Variants in CAMSAP1 observed in about 807,000 individuals in gnomAD.
CAMSAP1 encodes the protein calmodulin regulated spectrin associated protein 1, also known as calmodulin-regulated spectrin-associated protein 1.
Under a neutral mutation model 143.5 loss-of-function variants are expected in CAMSAP1, and 58 were observed. That is an observed-to-expected ratio of 0.40 (90% CI 0.33 to 0.50). CAMSAP1 has a LOEUF of 0.50. CAMSAP1 is among the 20% of genes least tolerant of loss of function. The probability of loss-of-function intolerance (pLI) is 0.45; values close to 1 mark genes in which losing one functional copy is unlikely to be tolerated. For missense variants in CAMSAP1, 1,969 were observed against 2,115.7 expected, an observed-to-expected ratio of 0.93 and a Z score of 1.36; for synonymous variants, 945 against 859.3, an observed-to-expected ratio of 1.10 and a Z score of -1.74.
At chr9:135,839,647 G>A (rs902821700) in intron 7 of CAMSAP1, among the ~76,000 whole-genome samples, 2 of 152,148 alleles carry the variant, frequency 1.3e-5, no homozygotes, top group Non-Finnish European at 1.5e-5. Context: ...CCCATCACAA[G>A]CTGGGTTCTG....
intron 4 of CAMSAP1, chr9:135,865,230 C>T: frequency 8.5e-7 from 1 of 1,175,084 alleles, no homozygotes; most frequent in South Asian, 1.3e-5. Context: ...TAAACAACAA[C>T]AACAAAAAAA....
chr9:135,886,412 C>A (rs1388913962), intron 1 of CAMSAP1, among the ~76,000 whole-genome samples: 1 of 152,056 alleles, frequency 6.6e-6, no homozygotes, highest in Non-Finnish European at 1.5e-5. Context: ...GGAGAAGTTT[C>A]TTAGGGAAGG....
intron 7 of CAMSAP1, among the ~76,000 whole-genome samples, chr9:135,843,734 C>T (rs955222068): frequency 1.8e-4 from 27 of 151,436 alleles, no homozygotes; most frequent in African/African-American, 5.1e-4. Flanking sequence ...ATTGGCTGGG[C>T]GTGGTGGCGG....
intron 3 of CAMSAP1, among the ~76,000 whole-genome samples, chr9:135,872,240 G>A (rs553842114): frequency 5.3e-5 from 8 of 152,296 alleles, no homozygotes; most frequent in African/African-American, 1.9e-4. Flanking sequence ...TACTTTAAAA[G>A]ATAAAAGAAA....
intron 14 of CAMSAP1, 132 bp from the exon 15 acceptor site, chr9:135,816,137 G>A (rs1192616193): frequency 1.2e-5 from 9 of 729,040 alleles, no homozygotes; most frequent in Admixed American, 9.8e-5. Flanking sequence ...TGACGGTGGG[G>A]GCTCGAGTTG....
In CAMSAP1 at chr9:135,882,830, C is replaced by T. The variant is rs770543977; in HGVS notation, c.409G>A (p.Ala137Thr). Residue 137 changes from alanine (A) to threonine (T), a missense_variant, in exon 2 of 17, where the codon GCA (alanine) becomes ACA (threonine). Transcript: ENST00000389532. This position sits in a 1 kb window ranked among gnomAD's most constrained non-coding sequence, Gnocchi z 4.9. ...AGACCACTCACCATTTTTATGGGTGCGCGACTGAGGTCGGACTCTGTCACG... is the reference window on the plus strand; with the variant it reads ...AGACCACTCACCATTTTTATGGGTGTGCGACTGAGGTCGGACTCTGTCACG... ...TPVTESDLSRAPIKMSAHMAM... is the reference protein window; with the variant it reads ...TPVTESDLSRTPIKMSAHMAM... The T allele has an allele frequency of 1.2e-5, 18 of 1,550,526 alleles. No homozygotes were observed. The highest frequency in any genetic ancestry group is 4.1e-5 in the African/African-American group (3 of 73,022).
intron 7 of CAMSAP1, among the ~76,000 whole-genome samples, chr9:135,849,576 C>G (rs148106355): frequency 7.3e-4 from 111 of 152,162 alleles, no homozygotes; most frequent in Admixed American, 3.5e-3. Flanking sequence ...ATTCTGGATA[C>G]TAGTTATTTA....
intron 7 of CAMSAP1, among the ~76,000 whole-genome samples, chr9:135,840,756 A>G (rs1836312586): frequency 6.6e-6 from 1 of 152,204 alleles, no homozygotes; most frequent in South Asian, 2.1e-4. Flanking sequence ...AGGAAGCACA[A>G]TGGGTCGGGG....
In CAMSAP1 at chr9:135,862,832, C is replaced by A. The variant is rs144792967; in HGVS notation, c.667-224G>T. The stretch of plus-strand genomic sequence containing the variant: ...TGGGCTTCATGGCTACACTGGGTAA[C>A]AGCAACTACTTGCTAGCAATACCAG... On this transcript the variant is annotated intron_variant, in intron 4 of 16. Transcript: ENST00000389532. Among the ~76,000 whole-genome samples the A allele has an allele frequency of 5.9e-5, 9 of 152,240 alleles. No homozygotes were observed. In the East Asian group the frequency reaches 1.7e-3, roughly 29 times the overall value.
chr9:135,818,152 T>C lies in CAMSAP1; in HGVS notation c.4169-73A>G. 2.1e-6 allele frequency: 3 copies of C among 1,448,202 alleles called. No homozygotes were observed. The highest frequency in any genetic ancestry group is 1.9e-6 in the Non-Finnish European group (2 of 1,047,546). The allele number at this position is 1,448,202 out of a possible 1,614,324, so 89.7% of individuals were successfully genotyped here. Reference sequence around the variant, plus strand: ...ACAAGTACCTGTCCCCTGTACCTGTTCCCCTCACCTCGCCCTGCAGAGCTC... The same window carrying C: ...ACAAGTACCTGTCCCCTGTACCTGTCCCCCTCACCTCGCCCTGCAGAGCTC... On this transcript the variant is annotated intron_variant, in intron 13 of 16. Transcript: ENST00000389532. The surrounding 1 kb of genome is among the most constrained non-coding windows in gnomAD (Gnocchi z 7.7).
At chr9:135,847,452 G>A (rs1836596211) in intron 7 of CAMSAP1, among the ~76,000 whole-genome samples, 1 of 151,932 alleles carries the variant, frequency 6.6e-6, no homozygotes, top group Non-Finnish European at 1.5e-5. Flanking sequence ...GCAAAGACTT[G>A]GAACCAACCT....
intron 1 of CAMSAP1, among the ~76,000 whole-genome samples, chr9:135,900,987 C>G (rs1309266595): frequency 6.6e-6 from 1 of 152,140 alleles, no homozygotes; most frequent in African/African-American, 2.4e-5. Context: ...CTCCCGACCT[C>G]AGGTGATCTG....
chr9:135,833,670 A>G (rs138018290), intron 7 of CAMSAP1, among the ~76,000 whole-genome samples: 89 of 151,692 alleles, frequency 5.9e-4, no homozygotes, highest in African/African-American at 2.0e-3. Flanking sequence ...CTCAAAATGG[A>G]CTGAAGACTT....
Position 135,822,389 on chromosome 9 carries a change from G to C in CAMSAP1, c.2272C>G (p.Pro758Ala). 1.2e-6 allele frequency: 2 copies of C among 1,613,990 alleles called. No homozygotes were observed. The highest frequency in any genetic ancestry group is 1.7e-6 in the Non-Finnish European group (2 of 1,179,900). ...CCAATGTATCTGCTGAAAACCACAG[G>C]ATGGGCCTCACCCATGAAATCGTGC... ...AEHDFMGEAH[P>A]VVFSRYIGEE... is the part of the protein sequence containing the mutation. Residue 758 changes from proline to alanine, a missense_variant, in exon 11 of 17, where the codon CCT (proline) becomes GCT (alanine). By Grantham distance (27) the Pro-to-Ala change is conservative. Around this residue, in one of 4 missense-constraint regions of CAMSAP1, gnomAD observed 1,390 missense variants for 1,420.8 expected, o/e 0.98. Transcript: ENST00000389532. The surrounding 1 kb of genome is among the most constrained non-coding windows in gnomAD (Gnocchi z 6.1).
At chr9:135,836,914 G>T in intron 7 of CAMSAP1, 1 of 972,348 alleles carries the variant, frequency 1.0e-6, no homozygotes, top group Non-Finnish European at 1.2e-6. Context: ...ACAGACACAC[G>T]TCACCACACA....
Position 135,822,109 on chromosome 9 carries a change from G to A in CAMSAP1, c.2552C>T (p.Pro851Leu). ...TPDASESCPA[P>L]LTTWRQKREQ... Reference sequence around the variant, plus strand: ...CCTCTTCTGCCTCCACGTCGTCAGAGGGGCTGGGCAGCTCTCAGACGCATC... The same window carrying A: ...CCTCTTCTGCCTCCACGTCGTCAGAAGGGCTGGGCAGCTCTCAGACGCATC... Residue 851 changes from proline (P) to leucine (L), a missense_variant, in exon 11 of 17, where the codon CCT (proline) becomes CTT (leucine). By Grantham distance (98) the Pro-to-Leu change is moderately conservative. Around this residue, in one of 4 missense-constraint regions of CAMSAP1, gnomAD observed 1,390 missense variants for 1,420.8 expected, o/e 0.98. Transcript: ENST00000389532. The surrounding 1 kb of genome is among the most constrained non-coding windows in gnomAD (Gnocchi z 6.1). 1.2e-6 allele frequency: 2 copies of A among 1,612,276 alleles called. No homozygotes were observed. Among genetic ancestry groups the A allele is most frequent in the Non-Finnish European group, 1.7e-6 (2 of 1,179,690 alleles).
intron 1 of CAMSAP1, among the ~76,000 whole-genome samples, chr9:135,895,845 T>C (rs1838431085): frequency 6.6e-6 from 1 of 152,170 alleles, no homozygotes; most frequent in Non-Finnish European, 1.5e-5. Flanking sequence ...CACATAAGTA[T>C]ACCGTAATAC....
chr9:135,874,731 CTT>C (rs372357924), intron 3 of CAMSAP1, among the ~76,000 whole-genome samples: 9 of 151,540 alleles, frequency 5.9e-5, no homozygotes, highest in African/African-American at 2.2e-4. Flanking sequence ...ATACAAATGA[CTT>C]TATACACAGA....
At chr9:135,857,128 A>G (rs992224081) in intron 5 of CAMSAP1, among the ~76,000 whole-genome samples, 13 of 152,204 alleles carry the variant, frequency 8.5e-5, no homozygotes, top group Non-Finnish European at 1.6e-4. Flanking sequence ...AGGCTTTGCC[A>G]TGGCCCTTCT....
Sources: allele counts gnomAD v4.1 joint callset (sites outside exome capture counted in the v4.1 genomes callset), GRCh38; gene constraint gnomAD v4.1.1; regional missense constraint gnomAD v4.1.1; non-coding constraint Gnocchi (gnomAD v3.1); transcripts MANE v1.5; gene names NCBI Gene and HGNC (gene_info 2026-07-23, HGNC 2026-07-21).